PRMT8: variants seen among roughly 807,000 people sequenced by gnomAD.
PRMT8 encodes the protein protein arginine N-methyltransferase 8.
PRMT8 carries 7 observed loss-of-function variants against 47.1 expected under a neutral mutation model. The observed-to-expected ratio is 0.15, with a 90% CI of 0.08 to 0.28. The LOEUF (loss-of-function observed/expected upper bound fraction) is 0.28. PRMT8 is among the 10% of genes least tolerant of loss of function. The pLI is 1.00. For synonymous variants in PRMT8, 188 were observed against 186.5 expected (o/e 1.01, Z -0.07); for missense variants, 237 against 505.4 (o/e 0.47, Z 5.09).
At chr12:3,578,038 A>G (rs1056311075) in intron 7 of PRMT8, among the ~76,000 whole-genome samples, 1 of 152,178 alleles carries the variant, frequency 6.6e-6, no homozygotes, top group African/African-American at 2.4e-5. Context: ...ATGCTAATAT[A>G]TTATGTTGAA....
chr12:3,495,938 T>C (rs773680738), intron 1 of PRMT8, among the ~76,000 whole-genome samples: 10 of 152,098 alleles, frequency 6.6e-5, no homozygotes, highest in Non-Finnish European at 1.5e-4. Context: ...CATGTACTTA[T>C]TCAATATTCA....
intron 1 of PRMT8, among the ~76,000 whole-genome samples, chr12:3,438,797 A>C (rs1194594946): frequency 2.0e-5 from 3 of 152,248 alleles, no homozygotes; most frequent in Non-Finnish European, 4.4e-5. Flanking sequence ...AGTTTCATAG[A>C]GCTAAGTATA....
intron 1 of PRMT8, among the ~76,000 whole-genome samples, chr12:3,454,350 C>A (rs1227047719): frequency 6.6e-6 from 1 of 152,166 alleles, no homozygotes; most frequent in East Asian, 1.9e-4. Context: ...CCACAGGGAG[C>A]AAGAGGGCAG....
Position 3,511,443 on chromosome 12 carries a change from C to T in PRMT8, c.75+19743C>T, listed in dbSNP as rs560718417. ...CTGGGTCTGTGACTTGGACAAAGGA[C>T]GTGACTCACTGCAGGCAGCCTGCTG... On this transcript the variant is annotated intron_variant, in intron 1 of 9. Transcript: ENST00000382622. 1.0e-3 allele frequency among the ~76,000 whole-genome samples: 152 copies of T among 152,324 alleles called. 1 individual carries two copies. Among genetic ancestry groups the T allele is most frequent in the Middle Eastern group, 3.4e-3 (1 of 294 alleles).
At position 3,592,211 on chromosome 12, in the gene PRMT8, C is replaced by T; in HGVS notation, c.980-20C>T. The T allele has an allele frequency of 6.5e-7, 1 of 1,549,906 alleles. No homozygotes were observed. The highest frequency in any genetic ancestry group is 8.6e-7 in the Non-Finnish European group (1 of 1,156,236). On this transcript the variant is annotated intron_variant, in intron 8 of 9. Coordinates refer to ENST00000382622, the MANE Select transcript of PRMT8 (RefSeq NM_019854.5). ...TCTCTGACTCTTTCTTCCCACCTCC[C>T]CTGTTCTCTCACCCCTCAGCCCCTG...
chr12:3,424,889 C>T (rs777697262), intron 1 of PRMT8, among the ~76,000 whole-genome samples: 5 of 152,172 alleles, frequency 3.3e-5, no homozygotes, highest in African/African-American at 4.8e-5. Context: ...ATGAGTCCCG[C>T]GATGAGTTTC....
chr12:3,516,999 A>G (rs1289204270), intron 1 of PRMT8, among the ~76,000 whole-genome samples: 1 of 152,202 alleles, frequency 6.6e-6, no homozygotes, highest in East Asian at 1.9e-4. Flanking sequence ...AAATGCAGCA[A>G]GACAACCTAA....
chr12:3,553,592 T>C, intron 3 of PRMT8, 59 bp from the exon 4 acceptor site: 1 of 1,377,916 alleles, frequency 7.3e-7, no homozygotes, highest in South Asian at 1.2e-5. Flanking sequence ...ATTGAATCGG[T>C]GTGGGTCTTG....
intron 7 of PRMT8, among the ~76,000 whole-genome samples, chr12:3,582,731 A>T (rs926808771): frequency 1.3e-5 from 2 of 152,064 alleles, no homozygotes; most frequent in Non-Finnish European, 2.9e-5. Flanking sequence ...AGGTGAAGGG[A>T]TGCATTGTCT....
intron 7 of PRMT8, among the ~76,000 whole-genome samples, chr12:3,579,352 G>A (rs953341147): frequency 4.6e-5 from 7 of 152,072 alleles, no homozygotes; most frequent in Non-Finnish European, 1.0e-4. Flanking sequence ...TGCCGGACAC[G>A]TCAGCCACTG....
In PRMT8 at chr12:3,465,269, A is replaced by G. The variant is rs1865086370; in HGVS notation, c.49-75337A>G. ...ATATAAATATATTTTATAAATATTT[A>G]TAAAAATAAAAAATATATAATATAT... On this transcript the variant is annotated intron_variant, in intron 1 of 9. Transcript: ENST00000452611. 1.8e-4 allele frequency among the ~76,000 whole-genome samples: 5 copies of G among 27,162 alleles called. No individual in the cohort carries two copies. The Admixed American group carries it at 2.7e-3, about 15-fold the overall frequency. The allele number at this position is 27,162 out of a possible 152,430, so 17.8% of individuals were successfully genotyped here.
intron 4 of PRMT8, among the ~76,000 whole-genome samples, chr12:3,568,212 G>A (rs1167301449): frequency 6.6e-5 from 10 of 152,172 alleles, no homozygotes; most frequent in Admixed American, 3.9e-4. Flanking sequence ...TGAGTGGAGT[G>A]GATCAGCATG....
rs529256773 is a variant in PRMT8 at position 3,433,699 on chromosome 12, C to T, written c.48+52257C>T. 5.9e-5 allele frequency among the ~76,000 whole-genome samples: 9 copies of T among 152,264 alleles called. No individual in the cohort carries two copies. The South Asian group carries it at 1.9e-3, about 32-fold the overall frequency. ...CGATCTCGGCTCACTGCAACCTCGG[C>T]CTCCCGGGTTCAAGCAATTCTCCTG... On this transcript the variant is annotated intron_variant, in intron 1 of 9. Transcript: ENST00000452611.
intron 1 of PRMT8, among the ~76,000 whole-genome samples, chr12:3,410,505 CTGTT>C (rs970053359): frequency 2.6e-5 from 4 of 152,132 alleles, no homozygotes; most frequent in South Asian, 2.1e-4. Flanking sequence ...TGTTGGTTTT[CTGTT>C]TGTTTGTTTG....
intron 1 of PRMT8, among the ~76,000 whole-genome samples, chr12:3,392,860 C>T (rs1864208946): frequency 1.3e-5 from 2 of 152,144 alleles, no homozygotes; most frequent in African/African-American, 4.8e-5. Flanking sequence ...TCTCCACATC[C>T]TCTCCAGCAC....
Position 3,568,858 on chromosome 12 carries a change from C to T in PRMT8, c.624+10C>T, listed in dbSNP as rs1217671017. 1 of 1,614,004 alleles carries T rather than the reference C, an allele frequency of 6.2e-7. No homozygotes were observed. ...CAGGGACAAGTGGCTGGTAAGTGTC[C>T]TGCATGCTGTCCCCGCGTTGGCCGG... is the stretch of plus-strand genomic sequence containing the variant. On this transcript the variant is annotated intron_variant, in intron 5 of 9. Coordinates refer to ENST00000382622, the MANE Select transcript of PRMT8 (RefSeq NM_019854.5).
chr12:3,590,581 T>C (rs1039795140), intron 8 of PRMT8, among the ~76,000 whole-genome samples: 4 of 151,994 alleles, frequency 2.6e-5, no homozygotes, highest in African/African-American at 7.3e-5. Context: ...TTTGAAGTGT[T>C]TTGAAGACCC....
chr12:3,415,371 T>C (rs1030406898), intron 1 of PRMT8, among the ~76,000 whole-genome samples: 1 of 152,158 alleles, frequency 6.6e-6, no homozygotes, highest in Non-Finnish European at 1.5e-5. Flanking sequence ...AACTAGATCA[T>C]TGGCCATTGG....
intron 1 of PRMT8, among the ~76,000 whole-genome samples, chr12:3,466,828 A>C (rs947513030): frequency 5.9e-5 from 9 of 152,116 alleles, no homozygotes; most frequent in African/African-American, 2.2e-4. Flanking sequence ...TACAAAACAA[A>C]CTCTTCATGG....
Sources: allele counts gnomAD v4.1 joint callset (sites outside exome capture counted in the v4.1 genomes callset), GRCh38; gene constraint gnomAD v4.1.1; transcripts MANE v1.5; gene names NCBI Gene and HGNC (gene_info 2026-07-23, HGNC 2026-07-21).